HTR2C: variants seen among roughly 807,000 people sequenced by gnomAD.
The protein encoded by HTR2C is 5-hydroxytryptamine receptor 2C.
HTR2C carries 5 observed loss-of-function variants against 21.0 expected under a neutral mutation model. The ratio of observed to expected loss-of-function variants is 0.24; its 90% CI spans 0.12 to 0.50. HTR2C has a LOEUF of 0.50. Among genes scored for constraint, HTR2C ranks in the 20% least tolerant of loss-of-function variants. HTR2C has a pLI of 0.98. For synonymous variants in HTR2C, 150 were observed against 145.3 expected (o/e 1.03, Z -0.23); for missense variants, 271 against 371.2 (o/e 0.73, Z 2.22).
intron 4 of HTR2C, among the ~76,000 whole-genome samples, chrX:114,825,417 G>A (rs1162951875): frequency 9.0e-5 from 10 of 111,677 alleles, no homozygotes; most frequent in Non-Finnish European, 1.7e-4. Context: ...GCAAATATTT[G>A]AACATTTTCA....
chrX:114,650,320 T>A (rs1556408275), intron 2 of HTR2C, among the ~76,000 whole-genome samples: 1 of 111,749 alleles, frequency 8.9e-6, no homozygotes, highest in Non-Finnish European at 1.9e-5. Flanking sequence ...TTTTAACACA[T>A]CATTCCATGC....
At chrX:114,703,359 T>A (rs1319484380) in intron 2 of HTR2C, among the ~76,000 whole-genome samples, 1 of 110,580 alleles carries the variant, frequency 9.0e-6, no homozygotes, top group African/African-American at 3.3e-5. Context: ...TAACAAACTG[T>A]CTCTCAGACC....
intron 2 of HTR2C, among the ~76,000 whole-genome samples, chrX:114,638,758 G>C (rs1383235520): frequency 1.1e-5 from 1 of 94,712 alleles, no homozygotes; most frequent in African/African-American, 3.9e-5. Context: ...TCCCACCTAT[G>C]AGTGAGAACA....
intron 4 of HTR2C, among the ~76,000 whole-genome samples, chrX:114,749,833 G>A (rs1223684238): frequency 2.7e-5 from 3 of 111,769 alleles, no homozygotes; most frequent in African/African-American, 9.8e-5. Context: ...ATTATAAACC[G>A]AAAGCAACCT....
intron 4 of HTR2C, among the ~76,000 whole-genome samples, chrX:114,843,528 C>T (rs986476328): frequency 9.9e-5 from 11 of 110,724 alleles, no homozygotes; most frequent in African/African-American, 3.3e-4. Flanking sequence ...ATGGGATTTC[C>T]GGGACATGAG....
At chrX:114,811,923 A>G (rs1039682392) in intron 4 of HTR2C, among the ~76,000 whole-genome samples, 8 of 111,370 alleles carry the variant, frequency 7.2e-5, no homozygotes, top group Non-Finnish European at 1.5e-4. Context: ...TGCAGCCATA[A>G]TTTTTGAGAT....
chrX:114,852,601 A>G (rs2070927532), intron 5 of HTR2C, among the ~76,000 whole-genome samples: 1 of 111,400 alleles, frequency 9.0e-6, no homozygotes, highest in Non-Finnish European at 1.9e-5. Context: ...TTATCATGTA[A>G]ATGGCCTAAA....
intron 4 of HTR2C, among the ~76,000 whole-genome samples, chrX:114,837,457 G>A (rs782292047): frequency 1.1e-3 from 119 of 111,787 alleles, no homozygotes; most frequent in Non-Finnish European, 1.8e-3. Context: ...TGCAGGTTTT[G>A]TGATTGTATT....
chrX:114,785,575 A>G (rs2070166959), intron 4 of HTR2C, among the ~76,000 whole-genome samples: 1 of 111,556 alleles, frequency 9.0e-6, no homozygotes, highest in African/African-American at 3.3e-5. Context: ...CTGGAAACAC[A>G]GGGTATCAAT....
At chrX:114,630,786 T>A in intron 2 of HTR2C, 1 of 352,905 alleles carries the variant, frequency 2.8e-6, no homozygotes, top group Non-Finnish European at 5.5e-6. Flanking sequence ...CAACCCCAGC[T>A]CTGCTGTCTA....
chrX:114,875,592 A>T (rs1364768046), intron 5 of HTR2C, among the ~76,000 whole-genome samples: 1 of 110,894 alleles, frequency 9.0e-6, no homozygotes, highest in Non-Finnish European at 1.9e-5. Flanking sequence ...TATGATAAGG[A>T]TACAGTTTCA....
At chrX:114,796,722 C>G (rs2147420824) in intron 4 of HTR2C, among the ~76,000 whole-genome samples, 1 of 111,403 alleles carries the variant, frequency 9.0e-6, no homozygotes, top group African/African-American at 3.3e-5. Context: ...ATTCAGACAA[C>G]AGATCTCTCT....
intron 4 of HTR2C, among the ~76,000 whole-genome samples, chrX:114,761,613 T>A (rs2147377971): frequency 9.0e-6 from 1 of 110,834 alleles, no homozygotes; most frequent in African/African-American, 3.3e-5. Context: ...AAGAAATGTG[T>A]ATTATCTATT....
Position 114,806,409 on chromosome X carries a change from CATATATATATACT to C in HTR2C, c.350-41593_350-41581del, listed in dbSNP as rs1569495832. Among the ~76,000 whole-genome samples, 50 of 13,528 alleles carry C rather than the reference CATATATATATACT, an allele frequency of 3.7e-3. 8 individuals carry two copies. Among genetic ancestry groups the C allele is most frequent in the African/African-American group, 7.6e-3 (49 of 6,428 alleles). The allele number at this position is 13,528 out of a possible 115,157, so 11.7% of individuals were successfully genotyped here. A position where few individuals can be genotyped will look rare whatever the true frequency, so the allele number is the denominator to read the frequency against. Reference sequence around the variant, plus strand: ...ATATATATACTGTATATATATACACCATATATATATACTGTATATATATACACCATATATATAT... The same window carrying C: ...ATATATATACTGTATATATATACACCGTATATATATACACCATATATATAT... On this transcript the variant is annotated intron_variant, in intron 4 of 5. Transcript: ENST00000276198.
intron 4 of HTR2C, among the ~76,000 whole-genome samples, chrX:114,809,749 C>T (rs782538758): frequency 9.0e-6 from 1 of 111,194 alleles, no homozygotes; most frequent in South Asian, 3.8e-4. Context: ...CCCAAGAGCC[C>T]ACTTGGTGCT....
Position 114,892,725 on chromosome X carries a change from C to G in HTR2C, c.551-13864C>G, listed in dbSNP as rs181158323. Among the ~76,000 whole-genome samples, 23 of 108,468 alleles carry G rather than the reference C, an allele frequency of 2.1e-4. No individual in the cohort carries two copies. The East Asian group carries it at 6.6e-3, about 31-fold the overall frequency. The allele number at this position is 108,468 out of a possible 115,157, so 94.2% of individuals were successfully genotyped here. ...GAACCCTCTATACATATAAACATAG[C>G]TTAGAGAAATTAAAGTGGAATAAAT... is the stretch of plus-strand genomic sequence containing the variant. On this transcript the variant is annotated intron_variant, in intron 5 of 5. Transcript: ENST00000276198.
intron 4 of HTR2C, among the ~76,000 whole-genome samples, chrX:114,741,515 G>A (rs1347548836): frequency 1.5e-4 from 2 of 12,998 alleles, no homozygotes; most frequent in Non-Finnish European, 3.8e-4. Context: ...AGAGCAAGAC[G>A]ACTCCGTCTA....
In HTR2C at chrX:114,816,673, C is replaced by A. The variant is rs1041857340; in HGVS notation, c.350-31330C>A. On this transcript the variant is annotated intron_variant, in intron 4 of 5. Coordinates refer to ENST00000276198, the MANE Select transcript of HTR2C (RefSeq NM_000868.4). ...CCCTTACTATATTACAAAGTAACAACCAGTATAATTATAATAATGTGTGGC... is the reference window on the plus strand; with the variant it reads ...CCCTTACTATATTACAAAGTAACAAACAGTATAATTATAATAATGTGTGGC... 5.5e-5 allele frequency among the ~76,000 whole-genome samples: 6 copies of A among 109,924 alleles called. No individual in the cohort carries two copies. The East Asian group carries it at 1.7e-3, about 31-fold the overall frequency.
intron 5 of HTR2C, among the ~76,000 whole-genome samples, chrX:114,857,740 G>T (rs377243962): frequency 1.8e-5 from 2 of 110,418 alleles, no homozygotes; most frequent in African/African-American, 6.6e-5. Context: ...TTTTTTATCC[G>T]GTTTATGAAA....
Sources: allele counts gnomAD v4.1 joint callset (sites outside exome capture counted in the v4.1 genomes callset), GRCh38; gene constraint gnomAD v4.1.1; transcripts MANE v1.5; gene names NCBI Gene and HGNC (gene_info 2026-07-23, HGNC 2026-07-21).